GRIP1: variants seen among roughly 807,000 people sequenced by gnomAD.
GRIP1 encodes glutamate receptor-interacting protein 1.
In GRIP1, 45 loss-of-function variants were observed where a neutral mutation model predicts 129.9. That is an observed-to-expected ratio of 0.35 (90% CI 0.27 to 0.44). GRIP1 has a LOEUF of 0.44. Among genes scored for constraint, GRIP1 ranks in the 20% least tolerant of loss-of-function variants. The pLI is 1.00. For missense variants in GRIP1, 1,196 were observed against 1,396.8 expected, an observed-to-expected ratio of 0.86 and a Z score of 2.29; for synonymous variants, 530 against 520.8, an observed-to-expected ratio of 1.02 and a Z score of -0.24.
intron 20 of GRIP1, among the ~76,000 whole-genome samples, chr12:66,378,234 G>C (rs751393984): frequency 1.6e-4 from 24 of 150,960 alleles, no homozygotes; most frequent in Non-Finnish European, 3.1e-4. Context: ...TTGAGGTCAG[G>C]AGTTTGAGAC....
At chr12:66,771,299 A>G (rs1337425424) in intron 1 of GRIP1, among the ~76,000 whole-genome samples, 1 of 152,218 alleles carries the variant, frequency 6.6e-6, no homozygotes, top group East Asian at 1.9e-4. Flanking sequence ...ACATTTTTCC[A>G]ACCTGATACT....
At chr12:66,523,266 A>G (rs375910246) in intron 5 of GRIP1, among the ~76,000 whole-genome samples, 78 of 150,622 alleles carry the variant, frequency 5.2e-4, no homozygotes, top group African/African-American at 1.6e-3. Context: ...AAAATGTTAA[A>G]GGCAGCCAGA....
chr12:66,779,466 A>T (rs944579335), intron 1 of GRIP1, among the ~76,000 whole-genome samples: 1 of 152,214 alleles, frequency 6.6e-6, no homozygotes, highest in African/African-American at 2.4e-5. Context: ...GAATTTGTGG[A>T]TACAAGAAGA....
chr12:66,658,309 G>C (rs868258156), intron 1 of GRIP1, among the ~76,000 whole-genome samples: 1 of 152,142 alleles, frequency 6.6e-6, no homozygotes, highest in African/African-American at 2.4e-5. Context: ...GACTCTCTTC[G>C]CAGCTAGAAA....
chr12:66,685,227 C>T (rs1337793917), intron 1 of GRIP1, among the ~76,000 whole-genome samples: 1 of 152,078 alleles, frequency 6.6e-6, no homozygotes, highest in Non-Finnish European at 1.5e-5. Flanking sequence ...AATCATTGAC[C>T]AACACTTGCT....
At chr12:67,000,729 C>T (rs1213473804) in intron 1 of GRIP1, among the ~76,000 whole-genome samples, 1 of 152,194 alleles carries the variant, frequency 6.6e-6, no homozygotes, top group Admixed American at 6.5e-5. Flanking sequence ...GGAGCTGTTA[C>T]AATTCTTCTC....
At chr12:66,682,577 T>G (rs756490768), upstream of GRIP1, among the ~76,000 whole-genome samples, 3 of 152,124 alleles carry the variant, frequency 2.0e-5, no homozygotes, top group Non-Finnish European at 4.4e-5. Context: ...GTGGCACACA[T>G]AGCCCCATAA....
chr12:66,516,776 T>C (rs2060856396), intron 6 of GRIP1, among the ~76,000 whole-genome samples: 1 of 152,172 alleles, frequency 6.6e-6, no homozygotes, highest in African/African-American at 2.4e-5. Context: ...AAAGCAAATA[T>C]ACGTCAGCAA....
intron 1 of GRIP1, among the ~76,000 whole-genome samples, chr12:66,870,536 G>T (rs2040278521): frequency 6.6e-6 from 1 of 152,126 alleles, no homozygotes; most frequent in Non-Finnish European, 1.5e-5. Flanking sequence ...CTGTTAGACT[G>T]AAGTCAGTTG....
chr12:66,867,379 C>T (rs191667769), intron 1 of GRIP1, among the ~76,000 whole-genome samples: 1 of 152,174 alleles, frequency 6.6e-6, no homozygotes, highest in African/African-American at 2.4e-5. Context: ...ACCAGAAAAG[C>T]GTGAAACTTT....
At chr12:66,765,027 G>A (rs770170927) in intron 1 of GRIP1, among the ~76,000 whole-genome samples, 1 of 152,156 alleles carries the variant, frequency 6.6e-6, no homozygotes, top group Non-Finnish European at 1.5e-5. Context: ...GAAAGTTTAG[G>A]TATATATATT....
At chr12:66,524,914 A>G (rs571657493) in intron 5 of GRIP1, among the ~76,000 whole-genome samples, 6 of 152,364 alleles carry the variant, frequency 3.9e-5, no homozygotes, top group East Asian at 3.9e-4. Context: ...CTACGCAAAT[A>G]AACTAGAAAA....
intron 1 of GRIP1, among the ~76,000 whole-genome samples, chr12:67,002,304 T>C (rs2042562969): frequency 6.6e-6 from 1 of 152,210 alleles, no homozygotes; most frequent in South Asian, 2.1e-4. Flanking sequence ...AAGCAACACA[T>C]TTGAATTGGC....
Position 66,699,696 on chromosome 12 carries a change from G to A in GRIP1, c.-419-69360C>T, listed in dbSNP as rs11832312. Among the ~76,000 whole-genome samples the A allele has an allele frequency of 6.8e-3, 1,035 of 152,236 alleles. 13 individuals are homozygous for A. Among genetic ancestry groups the A allele is most frequent in the African/African-American group, 0.023 (966 of 41,536 alleles). ...ACAGAGAGGTATATAATGGAATCAG[G>A]CAGATGGCAAGCAAAATATCTCCTT... is the stretch of plus-strand genomic sequence containing the variant. On this transcript the variant is annotated intron_variant, in intron 1 of 4. Transcript: ENST00000538373.
At chr12:66,486,355 T>C (rs2059954653) in intron 7 of GRIP1, among the ~76,000 whole-genome samples, 1 of 152,134 alleles carries the variant, frequency 6.6e-6, no homozygotes, top group Non-Finnish European at 1.5e-5. Context: ...TGGTGTCCCA[T>C]GTAGCCAAAG....
chr12:66,675,673 C>A (rs892602196), intron 1 of GRIP1, among the ~76,000 whole-genome samples: 35 of 152,126 alleles, frequency 2.3e-4, no homozygotes, highest in African/African-American at 8.0e-4. Flanking sequence ...GGAAACCTCA[C>A]AAAATGTTAT....
chr12:66,839,371 G>C (rs1446235474), intron 1 of GRIP1, among the ~76,000 whole-genome samples: 1 of 152,028 alleles, frequency 6.6e-6, no homozygotes, highest in Non-Finnish European at 1.5e-5. Context: ...AGGTCAAACT[G>C]TAATAGACAT....
chr12:66,882,723 CAAT>C (rs565419078), intron 1 of GRIP1, among the ~76,000 whole-genome samples: 125 of 152,260 alleles, frequency 8.2e-4, no homozygotes, highest in African/African-American at 3.0e-3. Context: ...ATATTAATCA[CAAT>C]AATAACATTC....
At chr12:66,722,086 T>C (rs1481550664) in intron 1 of GRIP1, among the ~76,000 whole-genome samples, 1 of 152,216 alleles carries the variant, frequency 6.6e-6, no homozygotes, top group Non-Finnish European at 1.5e-5. Context: ...TTATAATTAG[T>C]GTGTTCATTG....
Sources: allele counts gnomAD v4.1 joint callset (sites outside exome capture counted in the v4.1 genomes callset), GRCh38; gene constraint gnomAD v4.1.1; transcripts MANE v1.5; gene names NCBI Gene and HGNC (gene_info 2026-07-23, HGNC 2026-07-21).